MYEF2: variants seen among roughly 807,000 people sequenced by gnomAD.
The protein encoded by MYEF2 is myelin expression factor 2, also known as myelin gene expression factor 2.
A neutral mutation model predicts 75.2 loss-of-function variants in MYEF2; 37 were observed. The observed-to-expected ratio is 0.49, with a 90% CI of 0.38 to 0.65. The LOEUF is 0.65. Among genes scored for constraint, MYEF2 ranks in the 30% least tolerant of loss-of-function variants. The pLI is 0.00. For synonymous variants in MYEF2, 195 were observed against 241.6 expected (o/e 0.81, Z 1.79); for missense variants, 634 against 771.4 (o/e 0.82, Z 2.11).
chr15:48,164,579 A>G (rs2040068179), intron 5 of MYEF2, among the ~76,000 whole-genome samples: 1 of 152,218 alleles, frequency 6.6e-6, no homozygotes, highest in South Asian at 2.1e-4. Flanking sequence ...AACCGTAGGT[A>G]AAATGCTATC....
At chr15:48,146,375 A>G (rs982146205) in intron 16 of MYEF2, among the ~76,000 whole-genome samples, 1 of 151,934 alleles carries the variant, frequency 6.6e-6, no homozygotes, top group Non-Finnish European at 1.5e-5. Context: ...GGGGTCAAAA[A>G]TGTTACCTTT....
intron 5 of MYEF2, among the ~76,000 whole-genome samples, chr15:48,160,393 A>G (rs982520615): frequency 6.6e-6 from 1 of 151,980 alleles, no homozygotes; most frequent in Admixed American, 6.6e-5. Flanking sequence ...GGAGGGCTAA[A>G]TGTCCAAGTG....
chr15:48,159,538 A>C, intron 6 of MYEF2, 75 bp downstream of exon 6: 2 of 1,328,702 alleles, frequency 1.5e-6, no homozygotes, highest in Non-Finnish European at 1.0e-6. Flanking sequence ...ATGTTCTATA[A>C]ACCTATAACT....
chr15:48,165,020 C>A (rs760118592), intron 5 of MYEF2, among the ~76,000 whole-genome samples: 38 of 152,100 alleles, frequency 2.5e-4, no homozygotes, highest in Non-Finnish European at 4.9e-4. Flanking sequence ...AGTAGTACTA[C>A]TACCATTACT....
In MYEF2 at chr15:48,178,116, T is replaced by G; in HGVS notation, c.122A>C (p.Gln41Pro). The change falls in exon 1 of 17, where the codon CAG (glutamine) becomes CCG (proline). Residue 41 changes from glutamine to proline, a missense_variant. Coordinates refer to ENST00000324324, the MANE Select transcript of MYEF2 (RefSeq NM_016132.5). ...REPHPAEAEK[Q>P]QPQHSSSSNG... ...GGAGCTGCTGCTGTGCTGCGGCTGC[T>G]GCTTCTCCGCCTCCGCGGGGTGCGG... is the stretch of plus-strand genomic sequence containing the variant. 1 of 1,595,790 alleles carries G rather than the reference T, an allele frequency of 6.3e-7. No individual in the cohort carries two copies. Among genetic ancestry groups the G allele is most frequent in the Non-Finnish European group, 8.5e-7 (1 of 1,172,108 alleles).
chr15:48,150,685 G>A (rs117062776), intron 14 of MYEF2, among the ~76,000 whole-genome samples: 1 of 152,094 alleles, frequency 6.6e-6, no homozygotes, highest in East Asian at 1.9e-4. Flanking sequence ...AGATGCCTAA[G>A]AGTGCTATAT....
At position 48,139,531 on chromosome 15, in the gene MYEF2, AAAG is replaced by A. The variant is rs1279212292; in HGVS notation, c.*3374_*3376del. On this transcript the variant is annotated 3_prime_UTR_variant, in exon 17 of 17. Coordinates refer to ENST00000324324, the MANE Select transcript of MYEF2 (RefSeq NM_016132.5). The stretch of plus-strand genomic sequence containing the variant: ...AATTCCATTCCATAATAAAAAAAAA[AAAG>A]AACAAAAAAACAAAAACAAAGCAAG... 1 of 160,756 alleles carries A rather than the reference AAAG, an allele frequency of 6.2e-6. No individual in the cohort carries two copies. Among genetic ancestry groups the A allele is most frequent in the Non-Finnish European group, 1.4e-5 (1 of 73,858 alleles). 10.0% of individuals were successfully genotyped at this position (160,756 alleles called of 1,614,324 possible).
rs2038940627 is a variant in MYEF2 at position 48,137,847 on chromosome 15, T to A, written c.*5061A>T. On this transcript the variant is annotated 3_prime_UTR_variant, in exon 17 of 17. Coordinates refer to ENST00000324324, the MANE Select transcript of MYEF2 (RefSeq NM_016132.5). ...ATTGTTTAAAGCAATAGCAAAACTT[T>A]TAGGTAAATAGGTTCAGTAGGAAGT... 6.6e-6 allele frequency: 1 copy of A among 152,112 alleles called. No individual in the cohort carries two copies. The highest frequency in any genetic ancestry group is 2.4e-5 in the African/African-American group (1 of 41,446). 9.4% of individuals were successfully genotyped at this position (152,112 alleles called of 1,614,324 possible). A position where few individuals can be genotyped will look rare whatever the true frequency, so the allele number is the denominator to read the frequency against.
intron 1 of MYEF2, among the ~76,000 whole-genome samples, chr15:48,177,005 C>A (rs2040554031): frequency 1.3e-5 from 2 of 152,184 alleles, no homozygotes; most frequent in Admixed American, 1.3e-4. Flanking sequence ...TGGTCCAGTT[C>A]TTACCATACA....
rs754807378 is a variant in MYEF2, at chr15:48,149,002, C to A, written c.1639+30G>T. On this transcript the variant is annotated intron_variant, in intron 16 of 16. Transcript: ENST00000324324. The surrounding 1 kb of genome is among the most constrained non-coding windows in gnomAD (Gnocchi z 4.0). ...ACCAATTTTCCTCCATAATCAATATCAACATATCTGCAGTCATTTGCATAC... is the reference window on the plus strand; with the variant it reads ...ACCAATTTTCCTCCATAATCAATATAAACATATCTGCAGTCATTTGCATAC... The A allele has an allele frequency of 1.2e-6, 2 of 1,609,416 alleles. No homozygotes were observed. Among genetic ancestry groups the A allele is most frequent in the Non-Finnish European group, 1.7e-6 (2 of 1,176,624 alleles).
At chr15:48,173,906 A>C (rs1166865869) in intron 1 of MYEF2, among the ~76,000 whole-genome samples, 1 of 152,090 alleles carries the variant, frequency 6.6e-6, no homozygotes, top group African/African-American at 2.4e-5. Flanking sequence ...ATATTGTCAA[A>C]ATGTCCTTCC....
At chr15:48,164,168 T>C (rs1328971465) in intron 5 of MYEF2, among the ~76,000 whole-genome samples, 1 of 152,228 alleles carries the variant, frequency 6.6e-6, no homozygotes, top group African/African-American at 2.4e-5. Flanking sequence ...TGTACCATTC[T>C]AGATGTCATT....
At chr15:48,163,121 G>A (rs763536765) in intron 5 of MYEF2, among the ~76,000 whole-genome samples, 63 of 152,118 alleles carry the variant, frequency 4.1e-4, no homozygotes, top group Non-Finnish European at 8.5e-4. Flanking sequence ...GTGAACGCAC[G>A]AATGATGAGA....
At position 48,141,281 on chromosome 15, in the gene MYEF2, A is replaced by C; in HGVS notation, c.*1627T>G. ...GGCTAGAATGAGTAAAAGTAGCTTT[A>C]AAAATGTTTACTTCCAGCCGGGTGT... On this transcript the variant is annotated 3_prime_UTR_variant, in exon 17 of 17. Coordinates refer to ENST00000324324, the MANE Select transcript of MYEF2 (RefSeq NM_016132.5). 2 of 1,333,666 alleles carry C rather than the reference A, an allele frequency of 1.5e-6. No homozygotes were observed. The highest frequency in any genetic ancestry group is 1.2e-5 in the South Asian group (1 of 82,316). The allele number at this position is 1,333,666 out of a possible 1,614,324, so 82.6% of individuals were successfully genotyped here.
intron 3 of MYEF2, 115 bp from the exon 4 acceptor site, chr15:48,166,243 G>C: frequency 1.2e-6 from 1 of 804,850 alleles, no homozygotes; most frequent in South Asian, 2.4e-5. Flanking sequence ...TAATATGGTA[G>C]AATCACTTCA....
chr15:48,158,990 T>A, intron 6 of MYEF2, 68 bp from the exon 7 acceptor site: 2 of 1,398,546 alleles, frequency 1.4e-6, no homozygotes, highest in Non-Finnish European at 2.0e-6. Flanking sequence ...ATACAAAAAA[T>A]CTTTTCTAAA....
At position 48,138,529 on chromosome 15, in the gene MYEF2, T is replaced by G. The variant is rs1347298784; in HGVS notation, c.*4379A>C. 3 of 153,284 alleles carry G rather than the reference T, an allele frequency of 2.0e-5. No homozygotes were observed. Among genetic ancestry groups the G allele is most frequent in the African/African-American group, 7.2e-5 (3 of 41,464 alleles). 9.5% of individuals were successfully genotyped at this position (153,284 alleles called of 1,614,324 possible). A position where few individuals can be genotyped will look rare whatever the true frequency, so the allele number is the denominator to read the frequency against. On this transcript the variant is annotated 3_prime_UTR_variant, in exon 17 of 17. Transcript: ENST00000324324. ...AAAATTATGCTATGATTATTTTATA[T>G]TCTTTAAGTATACATTATCTGGTAC...
chr15:48,136,719 G>A lies in MYEF2; in HGVS notation c.*6189C>T, dbSNP rs756659012. ...CTTTACTGCTTTTGATATATGGATT[G>A]TATGTTTTGGTGCTGTGTTTTGACA... On this transcript the variant is annotated 3_prime_UTR_variant, in exon 17 of 17. Transcript: ENST00000324324. 6.8e-6 allele frequency: 11 copies of A among 1,613,158 alleles called. No individual in the cohort carries two copies. In the Admixed American group the frequency reaches 1.7e-4, roughly 24 times the overall value.
At position 48,141,250 on chromosome 15, in the gene MYEF2, C is replaced by T. The variant is rs201749426; in HGVS notation, c.*1658G>A. 40 of 1,480,814 alleles carry T rather than the reference C, an allele frequency of 2.7e-5. No individual in the cohort carries two copies. Among genetic ancestry groups the T allele is most frequent in the Non-Finnish European group, 3.7e-5 (39 of 1,059,596 alleles). 91.7% of individuals were successfully genotyped at this position (1,480,814 alleles called of 1,614,324 possible). A position where few individuals can be genotyped will look rare whatever the true frequency, so the allele number is the denominator to read the frequency against. ...GGTCCCTCAAGCTGCAATGGTCATT[C>T]TACAAGGCTAGAATGAGTAAAAGTA... On this transcript the variant is annotated 3_prime_UTR_variant, in exon 17 of 17. Transcript: ENST00000324324.
Sources: gnomAD v4.1 joint callset for allele counts (sites outside exome capture counted in the v4.1 genomes callset) on GRCh38, gnomAD v4.1.1 for gene constraint, Gnocchi (gnomAD v3.1) non-coding constraint, MANE v1.5 for transcripts, NCBI Gene and HGNC (gene_info 2026-07-23, HGNC 2026-07-21) for gene names.